GALK2: variants seen among roughly 807,000 people sequenced by gnomAD.
GALK2 encodes galactokinase 2.
In GALK2, 36 loss-of-function variants were observed where a neutral mutation model predicts 52.4. That is an observed-to-expected ratio of 0.69 (90% CI 0.53 to 0.91). The LOEUF (loss-of-function observed/expected upper bound fraction) is 0.91, where lower values mean the gene tolerates loss of function less well. GALK2 is among the 40% of genes least tolerant of loss of function. The pLI is 0.00. For missense variants in GALK2, 579 were observed against 559.1 expected, an observed-to-expected ratio of 1.04 and a Z score of -0.36; for synonymous variants, 176 against 199.1, an observed-to-expected ratio of 0.88 and a Z score of 0.98.
At chr15:49,204,200 C>T (rs911900594) in intron 2 of GALK2, among the ~76,000 whole-genome samples, 19 of 151,392 alleles carry the variant, frequency 1.3e-4, no homozygotes, top group Non-Finnish European at 2.4e-4. Context: ...TCTGTTTTTA[C>T]GCCAAAACCA....
intron 1 of GALK2, among the ~76,000 whole-genome samples, chr15:49,197,387 A>G (rs1374639027): frequency 6.6e-6 from 1 of 152,116 alleles, no homozygotes; most frequent in Non-Finnish European, 1.5e-5. Flanking sequence ...CAGTTCTGTC[A>G]TATTATTTTA....
At chr15:49,169,193 G>A (rs2084926175), upstream of GALK2, 1 of 151,748 alleles carries the variant, frequency 6.6e-6, no homozygotes, top group Admixed American at 6.6e-5. Context: ...ACTTACTGAT[G>A]TATACAACTT....
At chr15:49,172,434 T>C (rs1409399421) in intron 1 of GALK2, among the ~76,000 whole-genome samples, 1 of 152,228 alleles carries the variant, frequency 6.6e-6, no homozygotes, top group Non-Finnish European at 1.5e-5. Flanking sequence ...TGCAGGAATG[T>C]TTTGCAGCCA....
At chr15:49,264,794 C>G (rs993277784) in intron 5 of GALK2, among the ~76,000 whole-genome samples, 5 of 152,290 alleles carry the variant, frequency 3.3e-5, no homozygotes, top group Non-Finnish European at 7.4e-5. Context: ...TTCTAACAGA[C>G]AGGACCCTCA....
chr15:49,240,009 T>C (rs2091014747), intron 5 of GALK2, among the ~76,000 whole-genome samples: 1 of 152,212 alleles, frequency 6.6e-6, no homozygotes, highest in Non-Finnish European at 1.5e-5. Context: ...GTACATATAC[T>C]ACCAGGTTTA....
intron 3 of GALK2, among the ~76,000 whole-genome samples, chr15:49,354,562 G>A (rs8034956): frequency 2.6e-5 from 4 of 152,052 alleles, no homozygotes; most frequent in Non-Finnish European, 5.9e-5. Context: ...GGCGCACCAC[G>A]AGATTATATC....
At chr15:49,181,154 A>G (rs2085941693) in intron 1 of GALK2, among the ~76,000 whole-genome samples, 1 of 135,924 alleles carries the variant, frequency 7.4e-6, no homozygotes, top group South Asian at 2.3e-4. Flanking sequence ...TCTGTTGCCC[A>G]GAATGAAGTG....
At chr15:49,219,885 T>C (rs957888703) in intron 3 of GALK2, among the ~76,000 whole-genome samples, 2 of 152,176 alleles carry the variant, frequency 1.3e-5, no homozygotes, top group Non-Finnish European at 2.9e-5. Flanking sequence ...TAACATGTCT[T>C]AAAATTTTAG....
At chr15:49,264,816 G>A (rs1466987349) in intron 5 of GALK2, among the ~76,000 whole-genome samples, 2 of 152,230 alleles carry the variant, frequency 1.3e-5, no homozygotes, top group Non-Finnish European at 2.9e-5. Flanking sequence ...CTGCAGGTCT[G>A]TTGGAGTTTG....
At chr15:49,357,699 A>G (rs531074882) in intron 3 of GALK2, among the ~76,000 whole-genome samples, 162 of 152,106 alleles carry the variant, frequency 1.1e-3, no homozygotes, top group African/African-American at 3.7e-3. Flanking sequence ...AACTATTCCA[A>G]TCAATAGAAA....
intron 2 of GALK2, among the ~76,000 whole-genome samples, chr15:49,207,833 A>AGT (rs1049306043): frequency 3.3e-5 from 5 of 152,204 alleles, no homozygotes; most frequent in African/African-American, 1.2e-4. Flanking sequence ...GCTGGAGTGC[A>AGT]GTGGTGTGAT....
chr15:49,219,357 A>G (rs961469906), intron 3 of GALK2, among the ~76,000 whole-genome samples: 1 of 152,218 alleles, frequency 6.6e-6, no homozygotes, highest in Non-Finnish European at 1.5e-5. Flanking sequence ...CACCATTGAT[A>G]TAAGACGTGA....
In GALK2 at chr15:49,299,759, CTTTCTTTCTTTCTTTCTTTCT is replaced by C. The variant is rs2034892766; in HGVS notation, c.967+7225_967+7245del. ...CTTTTCTTTCTTTCTTTCTTTCTTT[CTTTCTTTCTTTCTTTCTTTCT>C]TTCTTTCTTTCTTTCGTGCTGTAGT... is the stretch of plus-strand genomic sequence containing the variant. On this transcript the variant is annotated intron_variant, in intron 8 of 9. Coordinates refer to ENST00000560031, the MANE Select transcript of GALK2 (RefSeq NM_002044.4). Among the ~76,000 whole-genome samples, 3 of 113,452 alleles carry C rather than the reference CTTTCTTTCTTTCTTTCTTTCT, an allele frequency of 2.6e-5. 1 individual carries two copies. Among genetic ancestry groups the C allele is most frequent in the Non-Finnish European group, 5.9e-5 (3 of 51,256 alleles). 74.4% of individuals were successfully genotyped at this position (113,452 alleles called of 152,430 possible).
At chr15:49,313,295 A>G (rs886566888) in intron 8 of GALK2, among the ~76,000 whole-genome samples, 1 of 152,228 alleles carries the variant, frequency 6.6e-6, no homozygotes, top group Non-Finnish European at 1.5e-5. Context: ...GCTATGGCAC[A>G]TGGGTTGTTT....
chr15:49,215,428 C>T (rs913369538), intron 2 of GALK2, among the ~76,000 whole-genome samples: 3 of 152,098 alleles, frequency 2.0e-5, no homozygotes, highest in Non-Finnish European at 4.4e-5. Context: ...AAAATTATTT[C>T]TCTTTTCTCT....
At chr15:49,180,463 C>T (rs1284588933) in intron 1 of GALK2, among the ~76,000 whole-genome samples, 2 of 152,198 alleles carry the variant, frequency 1.3e-5, no homozygotes, top group Non-Finnish European at 2.9e-5. Flanking sequence ...TTCAGCATTT[C>T]TCTCTAGATA....
intron 8 of GALK2, among the ~76,000 whole-genome samples, chr15:49,296,598 CT>C (rs1275800668): frequency 2.2e-5 from 1 of 45,938 alleles, no homozygotes; most frequent in Non-Finnish European, 3.8e-5. Flanking sequence ...GTGCATGTGT[CT>C]TTTTCTTTTT....
Position 49,305,255 on chromosome 15 carries a change from T to A in GALK2, c.967+12718T>A, listed in dbSNP as rs530567415. 2.0e-5 allele frequency among the ~76,000 whole-genome samples: 3 copies of A among 152,176 alleles called. No individual in the cohort carries two copies. The South Asian group carries it at 6.2e-4, about 32-fold the overall frequency. On this transcript the variant is annotated intron_variant, in intron 8 of 9. Transcript: ENST00000560031. ...TTAATAGTAATGACAACAAAAATAA[T>A]GACCTATTGTATGTGTATAGACACT...
At chr15:49,225,662 C>G (rs1320279716) in intron 3 of GALK2, among the ~76,000 whole-genome samples, 1 of 152,192 alleles carries the variant, frequency 6.6e-6, no homozygotes, top group East Asian at 1.9e-4. Flanking sequence ...TGCTGGCTTA[C>G]AAGCCTCTGT....
Sources: allele counts gnomAD v4.1 joint callset (sites outside exome capture counted in the v4.1 genomes callset), GRCh38; gene constraint gnomAD v4.1.1; transcripts MANE v1.5; gene names NCBI Gene and HGNC (gene_info 2026-07-23, HGNC 2026-07-21).